CACNA1C: variants seen among roughly 807,000 people sequenced by gnomAD.
CACNA1C encodes calcium voltage-gated channel subunit alpha1 C, also known as voltage-dependent L-type calcium channel subunit alpha-1C.
CACNA1C carries 30 observed loss-of-function variants against 229.0 expected under a neutral mutation model. The ratio of observed to expected loss-of-function variants is 0.13; its 90% CI spans 0.10 to 0.18. CACNA1C has a LOEUF of 0.18. Among genes scored for constraint, CACNA1C ranks in the 10% least tolerant of loss-of-function variants. The pLI is 1.00. For synonymous variants in CACNA1C, 1,114 were observed against 1,132.5 expected (o/e 0.98, Z 0.33); for missense variants, 1,658 against 2,845.0 (o/e 0.58, Z 9.49).
chr12:2,097,961 C>G (rs917097481), intron 1 of CACNA1C, among the ~76,000 whole-genome samples: 1 of 152,212 alleles, frequency 6.6e-6, no homozygotes, highest in Non-Finnish European at 1.5e-5. Context: ...AGAACCTGAG[C>G]TGTCTGAACT....
intron 29 of CACNA1C, among the ~76,000 whole-genome samples, chr12:2,616,847 G>A (rs758561): frequency 0.62 from 94,639 of 152,108 alleles, 32,892 homozygotes; most frequent in Non-Finnish European, 0.77. Context: ...TCCTCACCAC[G>A]GCTCCTCTCC....
chr12:2,186,471 AC>A (rs1401085324), intron 3 of CACNA1C, among the ~76,000 whole-genome samples: 1 of 152,140 alleles, frequency 6.6e-6, no homozygotes, highest in Non-Finnish European at 1.5e-5. Flanking sequence ...ATGTGCCTGT[AC>A]CCAAGAGAAC....
chr12:2,002,566 A>G (rs776631075), intron 1 of CACNA1C, among the ~76,000 whole-genome samples: 10 of 152,348 alleles, frequency 6.6e-5, no homozygotes, highest in Admixed American at 1.3e-4. Context: ...TATCTTAAAA[A>G]GGTATCTATC....
At chr12:2,100,714 C>T (rs899803782) in intron 1 of CACNA1C, among the ~76,000 whole-genome samples, 8 of 149,582 alleles carry the variant, frequency 5.3e-5, no homozygotes, top group African/African-American at 9.9e-5. Flanking sequence ...GCTGTGATCA[C>T]GGCACTGCAT....
intron 3 of CACNA1C, among the ~76,000 whole-genome samples, chr12:2,143,175 C>A (rs2154195873): frequency 6.6e-6 from 1 of 151,226 alleles, no homozygotes; most frequent in East Asian, 1.9e-4. Context: ...GGGGTTTCAC[C>A]ATGTTGGCCA....
chr12:2,323,838 G>T (rs1290911261), intron 3 of CACNA1C, among the ~76,000 whole-genome samples: 1 of 152,120 alleles, frequency 6.6e-6, no homozygotes, highest in Non-Finnish European at 1.5e-5. Context: ...GGGGGAGGGG[G>T]TTGGGGCAGG....
intron 3 of CACNA1C, among the ~76,000 whole-genome samples, chr12:2,441,123 C>T (rs960417547): frequency 2.0e-5 from 3 of 152,182 alleles, no homozygotes; most frequent in Non-Finnish European, 4.4e-5. Context: ...GATGGAATTG[C>T]ATAACTGGGC....
chr12:2,250,154 C>T (rs1265669318), intron 3 of CACNA1C, among the ~76,000 whole-genome samples: 1 of 152,162 alleles, frequency 6.6e-6, no homozygotes, highest in Non-Finnish European at 1.5e-5. Flanking sequence ...ATGCATCAGT[C>T]CATCTCCCTG....
intron 3 of CACNA1C, among the ~76,000 whole-genome samples, chr12:2,436,237 T>C (rs1208962776): frequency 6.6e-6 from 1 of 152,146 alleles, no homozygotes; most frequent in East Asian, 1.9e-4. Context: ...CTCTGGAAAG[T>C]TCCTTGTCAG....
rs192823539 is a variant in CACNA1C at position 2,534,093 on chromosome 12, A to G, written c.1391-15850A>G. 7.9e-5 allele frequency among the ~76,000 whole-genome samples: 12 copies of G among 152,190 alleles called. No individual in the cohort carries two copies. The East Asian group carries it at 1.2e-3, about 15-fold the overall frequency. ...AGGGTAGGTAGGAAGGCTTTTGTGC[A>G]TGTGGGGGAGTGGTGGGGATGGAAT... On this transcript the variant is annotated intron_variant, in intron 9 of 46. Transcript: ENST00000399655.
At chr12:2,645,224 G>A (rs2094207067) in intron 30 of CACNA1C, among the ~76,000 whole-genome samples, 1 of 152,156 alleles carries the variant, frequency 6.6e-6, no homozygotes, top group African/African-American at 2.4e-5. Flanking sequence ...CCCTAAAAGG[G>A]GAATGCAGTC....
intron 1 of CACNA1C, chr12:1,992,108 C>A: frequency 3.1e-6 from 1 of 323,550 alleles, no homozygotes; most frequent in African/African-American, 2.2e-5. Context: ...TAATAAACTA[C>A]AATTGATAAA....
At chr12:2,051,473 C>G (rs2052208421), upstream of CACNA1C, among the ~76,000 whole-genome samples, 1 of 152,152 alleles carries the variant, frequency 6.6e-6, no homozygotes, top group Non-Finnish European at 1.5e-5. Flanking sequence ...ATGGGTTACT[C>G]CGACTGCTGT....
chr12:2,227,447 A>ATGACTC, intron 3 of CACNA1C, among the ~76,000 whole-genome samples: 1 of 152,354 alleles, frequency 6.6e-6, no homozygotes, highest in Admixed American at 6.5e-5. Flanking sequence ...AGTCTGCCAA[A>ATGACTC]TGAAGACAAT....
intron 3 of CACNA1C, among the ~76,000 whole-genome samples, chr12:2,371,456 C>G (rs750643345): frequency 1.1e-4 from 16 of 151,836 alleles, no homozygotes; most frequent in Non-Finnish European, 2.4e-4. Flanking sequence ...ACACAAGCAC[C>G]TGAGGAGCTT....
intron 3 of CACNA1C, among the ~76,000 whole-genome samples, chr12:2,265,169 G>C (rs1160754002): frequency 2.6e-5 from 4 of 152,190 alleles, no homozygotes; most frequent in Admixed American, 2.6e-4. Context: ...TGGCCTGCTG[G>C]GGGTGGATAG....
chr12:2,451,560 G>A (rs974262481), intron 4 of CACNA1C, among the ~76,000 whole-genome samples: 1 of 152,204 alleles, frequency 6.6e-6, no homozygotes, highest in Non-Finnish European at 1.5e-5. Flanking sequence ...TACAGGGTGA[G>A]TAGGCACCGA....
intron 1 of CACNA1C, among the ~76,000 whole-genome samples, chr12:2,089,392 A>G (rs1193696890): frequency 1.3e-5 from 2 of 152,234 alleles, no homozygotes; most frequent in African/African-American, 2.4e-5. Context: ...AGCACCTCCT[A>G]TGTGTAAAGC....
intron 3 of CACNA1C, among the ~76,000 whole-genome samples, chr12:2,362,002 A>T (rs1374585256): frequency 6.6e-6 from 1 of 152,242 alleles, no homozygotes; most frequent in Admixed American, 6.5e-5. Context: ...TTTGTAAATT[A>T]GAGTAATAAT....
Sources: allele counts gnomAD v4.1 joint callset (sites outside exome capture counted in the v4.1 genomes callset), GRCh38; gene constraint gnomAD v4.1.1; transcripts MANE v1.5; gene names NCBI Gene and HGNC (gene_info 2026-07-23, HGNC 2026-07-21).